The following TMEM117 variants were observed in gnomAD, a reference collection of about 807,000 sequenced individuals.
TMEM117 encodes transmembrane protein 117.
Under a neutral mutation model 52.4 loss-of-function variants are expected in TMEM117, and 27 were observed. The ratio of observed to expected loss-of-function variants is 0.51; its 90% confidence interval spans 0.38 to 0.71. The LOEUF (loss-of-function observed/expected upper bound fraction) is 0.71. Among genes scored for constraint, TMEM117 ranks in the 30% least tolerant of loss-of-function variants. The pLI, the probability that TMEM117 is intolerant of heterozygous loss-of-function variation, is 0.00. For synonymous variants in TMEM117, 215 were observed against 206.3 expected, an observed-to-expected ratio of 1.04 and a Z score of -0.36; for missense variants, 556 against 630.5, an observed-to-expected ratio of 0.88 and a Z score of 1.26.
chr12:44,080,015 C>CAAAA (rs747963448), intron 3 of TMEM117, among the ~76,000 whole-genome samples: 2 of 57,950 alleles, frequency 3.5e-5, no homozygotes, highest in Non-Finnish European at 9.0e-5. Context: ...AACTCCATCT[C>CAAAA]AAAAAAAAAA....
rs1311814834 is a variant in TMEM117, at chr12:44,171,312, GC to G, written c.510+27690del. The stretch of plus-strand genomic sequence containing the variant: ...TTACAGGCGTGAGCCACCGCGCCCG[GC>G]CTTTATTAATAAATATCTTGAGGGA... On this transcript the variant is annotated intron_variant, in intron 4 of 7. Coordinates refer to ENST00000266534, the MANE Select transcript of TMEM117 (RefSeq NM_032256.3). 4.6e-5 allele frequency among the ~76,000 whole-genome samples: 7 copies of G among 152,280 alleles called. No individual in the cohort carries two copies. In the South Asian group the frequency reaches 6.2e-4, roughly 14 times the overall value.
intron 4 of TMEM117, among the ~76,000 whole-genome samples, chr12:44,199,293 A>G (rs559066006): frequency 1.3e-5 from 2 of 152,326 alleles, no homozygotes; most frequent in African/African-American, 2.4e-5. Context: ...AAAGAAATTC[A>G]GTATCTTTCC....
chr12:44,052,820 G>T (rs770014150), intron 3 of TMEM117, among the ~76,000 whole-genome samples: 1 of 152,126 alleles, frequency 6.6e-6, no homozygotes, highest in African/African-American at 2.4e-5. Flanking sequence ...AGTCTCTTCC[G>T]CTTTAGATTT....
At chr12:44,239,949 T>C (rs567841936) in intron 5 of TMEM117, among the ~76,000 whole-genome samples, 1 of 152,284 alleles carries the variant, frequency 6.6e-6, no homozygotes, top group East Asian at 1.9e-4. Flanking sequence ...ATTTCTGCTT[T>C]CCATTTGATA....
At chr12:44,203,069 A>G (rs1176208726) in intron 4 of TMEM117, among the ~76,000 whole-genome samples, 1 of 152,022 alleles carries the variant, frequency 6.6e-6, no homozygotes, top group Non-Finnish European at 1.5e-5. Flanking sequence ...TGCTGGGATT[A>G]CAGGGGTGAG....
intron 3 of TMEM117, among the ~76,000 whole-genome samples, chr12:44,061,433 G>A (rs558726057): frequency 6.6e-6 from 1 of 152,290 alleles, no homozygotes; most frequent in African/African-American, 2.4e-5. Context: ...AAGTGAGAAA[G>A]AGAAAAGACT....
At chr12:44,012,658 A>G (rs1946312581) in intron 3 of TMEM117, among the ~76,000 whole-genome samples, 2 of 152,184 alleles carry the variant, frequency 1.3e-5, no homozygotes, top group African/African-American at 2.4e-5. Context: ...AGCATTTAAA[A>G]AAAATCCTTT....
intron 2 of TMEM117, among the ~76,000 whole-genome samples, chr12:43,920,600 G>A (rs1035569027): frequency 1.4e-5 from 2 of 146,056 alleles, no homozygotes; most frequent in African/African-American, 5.0e-5. Context: ...GCCCAGGCTG[G>A]AGTGGAGTGG....
At chr12:43,907,112 G>T (rs911781937) in intron 2 of TMEM117, among the ~76,000 whole-genome samples, 2 of 152,196 alleles carry the variant, frequency 1.3e-5, no homozygotes, top group African/African-American at 4.8e-5. Flanking sequence ...CAGCTTTGAA[G>T]AGAGCAGTGG....
chr12:44,033,519 C>T lies in TMEM117; in HGVS notation c.410+89177C>T, dbSNP rs182609600. Among the ~76,000 whole-genome samples the T allele has an allele frequency of 2.7e-3, 415 of 152,224 alleles. 4 individuals are homozygous for T. The highest frequency in any genetic ancestry group is 9.4e-3 in the African/African-American group (391 of 41,554). ...CCGATCCTTTATTTCCATAATATGT[C>T]CTTGATAGAGTCATAATATGTCCTA... On this transcript the variant is annotated intron_variant, in intron 3 of 7. Transcript: ENST00000266534.
chr12:44,009,114 TGTTTAC>T lies in TMEM117; in HGVS notation c.410+64773_410+64778del, dbSNP rs1230996228. The T allele has an allele frequency of 3.6e-5, 12 of 337,188 alleles. 1 individual carries two copies. Among genetic ancestry groups the T allele is most frequent in the Non-Finnish European group, 2.9e-5 (5 of 173,988 alleles). The allele number at this position is 337,188 out of a possible 1,614,324, so 20.9% of individuals were successfully genotyped here. A position where few individuals can be genotyped will look rare whatever the true frequency, so the allele number is the denominator to read the frequency against. ...AAGACACATAAGTTTTGGAAGCTCTTGTTTACAAGTGGCAAGTTTCTTTACTTCCTT... is the reference window on the plus strand; with the variant it reads ...AAGACACATAAGTTTTGGAAGCTCTTAAGTGGCAAGTTTCTTTACTTCCTT... On this transcript the variant is annotated intron_variant, in intron 3 of 7. Coordinates refer to ENST00000266534, the MANE Select transcript of TMEM117 (RefSeq NM_032256.3).
At chr12:44,348,328 T>C (rs1258184995) in intron 6 of TMEM117, among the ~76,000 whole-genome samples, 1 of 151,804 alleles carries the variant, frequency 6.6e-6, no homozygotes, top group Non-Finnish European at 1.5e-5. Context: ...GGACCCATTC[T>C]AATGATCCCA....
At chr12:43,952,473 G>A (rs768491121) in intron 3 of TMEM117, among the ~76,000 whole-genome samples, 11 of 151,962 alleles carry the variant, frequency 7.2e-5, no homozygotes, top group Non-Finnish European at 1.5e-4. Flanking sequence ...GAAAAACACA[G>A]CAAGAGAACT....
Position 43,945,102 on chromosome 12 carries a change from T to C in TMEM117, c.410+760T>C, listed in dbSNP as rs191623004. Among the ~76,000 whole-genome samples, 275 of 148,474 alleles carry C rather than the reference T, an allele frequency of 1.9e-3. 3 individuals are homozygous for C. In the East Asian group the frequency reaches 0.051, roughly 28 times the overall value. On this transcript the variant is annotated intron_variant, in intron 3 of 7. Transcript: ENST00000266534. ...CTCTAGCCTGGCAACAAAGCAAGAC[T>C]CCGTCTCTAAATAAATAAATAAATA... is the stretch of plus-strand genomic sequence containing the variant.
At chr12:44,101,652 G>C (rs189530597) in intron 3 of TMEM117, among the ~76,000 whole-genome samples, 4 of 151,866 alleles carry the variant, frequency 2.6e-5, no homozygotes, top group Non-Finnish European at 5.9e-5. Context: ...CATCCATTGC[G>C]CAATGGATCA....
intron 4 of TMEM117, among the ~76,000 whole-genome samples, chr12:44,188,494 CT>C (rs1189365722): frequency 6.6e-6 from 1 of 152,126 alleles, no homozygotes; most frequent in African/African-American, 2.4e-5. Context: ...AAAGGAGGTT[CT>C]TGTCAGGTAC....
intron 5 of TMEM117, among the ~76,000 whole-genome samples, chr12:44,289,550 C>CTTTTTTTTTTTTT (rs60675070): frequency 8.2e-6 from 1 of 121,962 alleles, no homozygotes; most frequent in Non-Finnish European, 1.7e-5. Flanking sequence ...TTTCTTTTCT[C>CTTTTTTTTTTTTT]TTTTTTTTTT....
chr12:43,860,605 G>T (rs2137395737), intron 2 of TMEM117, among the ~76,000 whole-genome samples: 1 of 152,200 alleles, frequency 6.6e-6, no homozygotes, highest in South Asian at 2.1e-4. Context: ...CAAGAAGAGG[G>T]CAGGGCAGCC....
At chr12:44,196,387 A>G (rs1237813293) in intron 4 of TMEM117, among the ~76,000 whole-genome samples, 2 of 152,210 alleles carry the variant, frequency 1.3e-5, no homozygotes, top group Non-Finnish European at 2.9e-5. Flanking sequence ...AAAGAGTACA[A>G]ATAAACCATG....
Sources: gnomAD v4.1 joint callset for allele counts (sites outside exome capture counted in the v4.1 genomes callset) on GRCh38, gnomAD v4.1.1 for gene constraint, MANE v1.5 for transcripts, NCBI Gene and HGNC (gene_info 2026-07-23, HGNC 2026-07-21) for gene names.